VPS45: variants seen among roughly 807,000 people sequenced by gnomAD.
VPS45 encodes the protein vacuolar protein sorting-associated protein 45.
In VPS45, 35 loss-of-function variants were observed where a neutral mutation model predicts 75.9. The ratio of observed to expected loss-of-function variants is 0.46; its 90% CI spans 0.35 to 0.61. VPS45 has a LOEUF of 0.61. Ranked by LOEUF, VPS45 falls within the 20% of genes least tolerant of loss-of-function variation. The probability of loss-of-function intolerance (pLI) is 0.00; values close to 1 mark genes in which losing one functional copy is unlikely to be tolerated. For missense variants in VPS45, 559 were observed against 685.9 expected (o/e 0.81, Z 2.07); for synonymous variants, 220 against 238.2 (o/e 0.92, Z 0.70).
intron 3 of VPS45, among the ~76,000 whole-genome samples, chr1:150,072,731 C>G (rs187917372): frequency 1.0e-3 from 151 of 150,142 alleles, no homozygotes; most frequent in African/African-American, 3.5e-3. Flanking sequence ...TCTTTGATTG[C>G]TTAAATTAAA....
chr1:150,119,410 A>G (rs868994369), intron 14 of VPS45, among the ~76,000 whole-genome samples: 25 of 152,224 alleles, frequency 1.6e-4, no homozygotes, highest in Non-Finnish European at 2.9e-4. Flanking sequence ...TAGGAGTTTT[A>G]GTGTATAATT....
At chr1:150,086,566 C>T (rs1656024842) in intron 10 of VPS45, among the ~76,000 whole-genome samples, 1 of 152,152 alleles carries the variant, frequency 6.6e-6, no homozygotes. Flanking sequence ...AACTGACTGA[C>T]AATTTTACTT....
At chr1:150,125,200 A>G (rs1453791756) in intron 14 of VPS45, among the ~76,000 whole-genome samples, 1 of 151,166 alleles carries the variant, frequency 6.6e-6, no homozygotes, top group African/African-American at 2.4e-5. Context: ...ATATTTTGAT[A>G]CATGTATACA....
chr1:150,089,230 G>T (rs1479011927), intron 10 of VPS45, among the ~76,000 whole-genome samples: 1 of 152,152 alleles, frequency 6.6e-6, no homozygotes, highest in Non-Finnish European at 1.5e-5. Context: ...TAAAAGTACA[G>T]AGACAGATCA....
Position 150,072,206 on chromosome 1 carries a change from A to G in VPS45, c.269A>G (p.Lys90Arg), listed in dbSNP as rs781906938. 1 of 1,605,516 alleles carries G rather than the reference A, an allele frequency of 6.2e-7. No individual in the cohort carries two copies. Among genetic ancestry groups the G allele is most frequent in the South Asian group, 1.1e-5 (1 of 89,810 alleles). The change falls in exon 3 of 15, where the codon AAA becomes AGA. Residue 90 changes from lysine to arginine, a missense_variant. Transcript: ENST00000644510. The part of the protein sequence containing the change: ...DYIIQELRRP[K>R]YTIYFIYFSN... ...ATTATTCAGGAGCTCCGAAGACCCA[A>G]ATACACTATATATTTCATTTGTAAG...
chr1:150,074,682 C>T (rs1026962938), intron 3 of VPS45, among the ~76,000 whole-genome samples: 2 of 152,242 alleles, frequency 1.3e-5, no homozygotes, highest in East Asian at 1.9e-4. Flanking sequence ...GCCACCGCAC[C>T]GAACTTTTAA....
Position 150,093,560 on chromosome 1 carries a change from T to C in VPS45, c.1405T>C (p.Phe469Leu), listed in dbSNP as rs1553802463. The change falls in exon 13 of 15, where the codon TTC becomes CTC. Residue 469 changes from phenylalanine to leucine, a missense_variant. Phe to Leu is a conservative substitution (Grantham distance 22). Transcript: ENST00000644510. Reference sequence around the variant, plus strand: ...AAATGTATATACACAGCATCAACCTTTCCTACATGAAACCCTGGATCATCT... The same window carrying C: ...AAATGTATATACACAGCATCAACCTCTCCTACATGAAACCCTGGATCATCT... Reference protein sequence around the residue: ...VENVYTQHQPFLHETLDHLIK... With the variant: ...VENVYTQHQPLLHETLDHLIK... The C allele has an allele frequency of 6.2e-7, 1 of 1,613,922 alleles. No homozygotes were observed. The highest frequency in any genetic ancestry group is 1.3e-5 in the African/African-American group (1 of 75,010).
chr1:150,096,358 G>A (rs1186663567), intron 13 of VPS45, among the ~76,000 whole-genome samples: 1 of 152,190 alleles, frequency 6.6e-6, no homozygotes, highest in Non-Finnish European at 1.5e-5. Context: ...TTACAGAAGA[G>A]TATTAGTACA....
At position 150,076,292 on chromosome 1, in the gene VPS45, G is replaced by A; in HGVS notation, c.349G>A (p.Glu117Lys). 1 of 1,607,860 alleles carries A rather than the reference G, an allele frequency of 6.2e-7. No individual in the cohort carries two copies. ...GTCATTGGCTGAAGCTGATGAACAG[G>A]AAGTTGTGGCTGAGGTTCAGGTAAA... ...VKSLAEADEQ[E>K]VVAEVQEFYG... is the part of the protein sequence containing the mutation. Residue 117 changes from glutamate (E) to lysine (K), a missense_variant, in exon 4 of 15, where the codon GAA becomes AAA. Coordinates refer to ENST00000644510, the MANE Select transcript of VPS45 (RefSeq NM_007259.5).
intron 14 of VPS45, among the ~76,000 whole-genome samples, chr1:150,113,768 C>T (rs1481642653): frequency 4.6e-5 from 7 of 151,710 alleles, no homozygotes; most frequent in Non-Finnish European, 7.4e-5. Flanking sequence ...TGGTGGCAGG[C>T]GCCTGTAGTC....
chr1:150,083,857 G>T (rs998105811), intron 10 of VPS45, among the ~76,000 whole-genome samples: 22 of 151,964 alleles, frequency 1.4e-4, no homozygotes, highest in Non-Finnish European at 3.1e-4. Flanking sequence ...AATGATGGGG[G>T]CTCCCGGAGG....
chr1:150,067,767 G>A, upstream of VPS45: 1 of 1,308,952 alleles, frequency 7.6e-7, no homozygotes, highest in African/African-American at 1.5e-5. Context: ...CGGCTGGGAG[G>A]AAGCAGCTGA....
In VPS45 at chr1:150,076,900, G is replaced by A. The variant is rs377658130; in HGVS notation, c.370-16G>A. ...TGAAGTTTATGGAATGACTATTCTT[G>A]GTGCTTTATTTGCAGGAATTTTATG... On this transcript the variant is annotated splice_polypyrimidine_tract_variant and intron_variant, in intron 4 of 14. Coordinates refer to ENST00000644510, the MANE Select transcript of VPS45 (RefSeq NM_007259.5). 46 of 1,613,414 alleles carry A rather than the reference G, an allele frequency of 2.9e-5. No homozygotes were observed. Among genetic ancestry groups the A allele is most frequent in the Non-Finnish European group, 3.7e-5 (44 of 1,179,786 alleles).
At chr1:150,104,817 T>C (rs1553805405) in intron 13 of VPS45, among the ~76,000 whole-genome samples, 1 of 152,150 alleles carries the variant, frequency 6.6e-6, no homozygotes, top group East Asian at 1.9e-4. Context: ...GATCTCAAGC[T>C]CCTTGGCTCA....
chr1:150,095,064 C>T (rs1283448618), intron 13 of VPS45, among the ~76,000 whole-genome samples: 1 of 152,154 alleles, frequency 6.6e-6, no homozygotes, highest in Non-Finnish European at 1.5e-5. Flanking sequence ...TGATTGAATG[C>T]TTTCAGTATG....
intron 13 of VPS45, among the ~76,000 whole-genome samples, chr1:150,095,471 G>T (rs1553802839): frequency 6.6e-6 from 1 of 152,142 alleles, no homozygotes. Flanking sequence ...AAATTAGCCT[G>T]GCGTGGGTAG....
At position 150,072,257 on chromosome 1, in the gene VPS45, G is replaced by A. The variant is rs11205325; in HGVS notation, c.289+31G>A. The A allele has an allele frequency of 8.6e-3, 12,941 of 1,502,204 alleles. 822 individuals carry two copies. In the African/African-American group the frequency reaches 0.14, roughly 17 times the overall value. 93.1% of individuals were successfully genotyped at this position (1,502,204 alleles called of 1,614,324 possible). On this transcript the variant is annotated intron_variant, in intron 3 of 14. Coordinates refer to ENST00000644510, the MANE Select transcript of VPS45 (RefSeq NM_007259.5). Reference sequence around the variant, plus strand: ...TATGTTAGTTCACTTTTTCAAACATGTAACAACATCCCAGTTAGTGTGTTT... The same window carrying A: ...TATGTTAGTTCACTTTTTCAAACATATAACAACATCCCAGTTAGTGTGTTT...
At chr1:150,107,863 T>C (rs1168589303) in intron 13 of VPS45, among the ~76,000 whole-genome samples, 1 of 152,140 alleles carries the variant, frequency 6.6e-6, no homozygotes, top group Non-Finnish European at 1.5e-5. Context: ...ATTGCACCAC[T>C]GCACTCCAGC....
At chr1:150,112,824 C>T (rs1553807423) in intron 14 of VPS45, among the ~76,000 whole-genome samples, 8 of 152,126 alleles carry the variant, frequency 5.3e-5, no homozygotes. Flanking sequence ...GAACAGTTCA[C>T]ACAACTCAGG....
Sources: gnomAD v4.1 joint callset for allele counts (sites outside exome capture counted in the v4.1 genomes callset) on GRCh38, gnomAD v4.1.1 for gene constraint, MANE v1.5 for transcripts, NCBI Gene and HGNC (gene_info 2026-07-23, HGNC 2026-07-21) for gene names.